PKP2: variants seen among roughly 807,000 people sequenced by gnomAD.
PKP2 encodes plakophilin 2.
PKP2 carries 73 observed loss-of-function variants against 83.4 expected under a neutral mutation model. That is an observed-to-expected ratio of 0.88 (90% CI 0.72 to 1.06). PKP2 has a LOEUF of 1.06. Ranked by LOEUF, PKP2 falls within the 50% of genes least tolerant of loss-of-function variation. PKP2 has a pLI of 0.00. For synonymous variants in PKP2, 409 were observed against 430.4 expected, an observed-to-expected ratio of 0.95 and a Z score of 0.62; for missense variants, 966 against 1,065.4, an observed-to-expected ratio of 0.91 and a Z score of 1.30.
intron 4 of PKP2, among the ~76,000 whole-genome samples, chr12:32,864,043 C>T (rs534178460): frequency 6.6e-6 from 1 of 151,892 alleles, no homozygotes; most frequent in Non-Finnish European, 1.5e-5. Flanking sequence ...AAATTAAAAA[C>T]CATAAAAATA....
At chr12:32,833,076 CT>C (rs930740954) in intron 6 of PKP2, among the ~76,000 whole-genome samples, 1 of 152,092 alleles carries the variant, frequency 6.6e-6, no homozygotes, top group Non-Finnish European at 1.5e-5. Context: ...AACCCCGTCT[CT>C]ACTAAAAATA....
chr12:32,886,964 A>T (rs1957035924), intron 1 of PKP2, among the ~76,000 whole-genome samples: 2 of 151,842 alleles, frequency 1.3e-5, no homozygotes, highest in African/African-American at 4.8e-5. Context: ...GGGCCACTGC[A>T]CTCCAGGCTG....
chr12:32,800,900 G>T (rs1956172503), intron 10 of PKP2, among the ~76,000 whole-genome samples: 3 of 152,172 alleles, frequency 2.0e-5, no homozygotes, highest in Admixed American at 6.5e-5. Context: ...TTCTCTAGAT[G>T]TAAGTAAAAC....
chr12:32,795,585 C>T (rs763150518), intron 11 of PKP2, among the ~76,000 whole-genome samples: 3 of 152,044 alleles, frequency 2.0e-5, no homozygotes, highest in East Asian at 1.9e-4. Context: ...TTTGCCATGT[C>T]GGCCAGGCTG....
chr12:32,859,368 T>C (rs867714645), intron 4 of PKP2, among the ~76,000 whole-genome samples: 2 of 152,236 alleles, frequency 1.3e-5, no homozygotes, highest in African/African-American at 2.4e-5. Context: ...TGATTTATAA[T>C]GGGCATAGTT....
In PKP2 at chr12:32,850,771, ATTTG is replaced by A. The variant is rs397516993; in HGVS notation, c.1369_1372del (p.Gln457Ter). On this transcript the variant is annotated frameshift_variant, in exon 5 of 13. Coordinates refer to ENST00000340811, the MANE Select transcript of PKP2 (RefSeq NM_001005242.3). LOFTEE classifies it high-confidence loss of function. ...CAATGTTCAGTAAGCACTACCTGTT[ATTTG>A]TTTTTTAGTCTCCAAGTCTCTGGTT... 1 of 1,611,560 alleles carries A rather than the reference ATTTG, an allele frequency of 6.2e-7. No individual in the cohort carries two copies. The highest frequency in any genetic ancestry group is 8.5e-7 in the Non-Finnish European group (1 of 1,179,134).
chr12:32,889,710 A>T (rs1273467181), intron 1 of PKP2, among the ~76,000 whole-genome samples: 1 of 152,156 alleles, frequency 6.6e-6, no homozygotes, highest in African/African-American at 2.4e-5. Context: ...AATAGTTTCG[A>T]CTGTTCTCTG....
chr12:32,809,540 A>G (rs972635164), intron 9 of PKP2, among the ~76,000 whole-genome samples: 1 of 152,216 alleles, frequency 6.6e-6, no homozygotes, highest in Non-Finnish European at 1.5e-5. Context: ...GGCCTGCAGA[A>G]CAATGCTGCT....
chr12:32,849,005 T>TA (rs397850139), intron 5 of PKP2, among the ~76,000 whole-genome samples: 22,673 of 122,922 alleles, frequency 0.18, 1,918 homozygotes, highest in South Asian at 0.24. Flanking sequence ...ATTACACAGT[T>TA]AAAAAAAAAA....
Position 32,877,991 on chromosome 12 carries a change from T to A in PKP2, c.889A>T (p.Ser297Cys), listed in dbSNP as rs758962957. The stretch of plus-strand genomic sequence containing the variant: ...CCAGCTTCCCTCAGCGTGCGGGTGC[T>A]GTGGAAGGAGCTCTGATGCCAGGAG... ...RSSWHQSSFH[S>C]TRTLREAGPS... The change falls in exon 3 of 13, where the codon AGC becomes TGC. Residue 297 changes from serine (S) to cysteine (C), a missense_variant. By Grantham distance (112) the Ser-to-Cys change is moderately radical (BLOSUM62 -1). Coordinates refer to ENST00000340811, the MANE Select transcript of PKP2 (RefSeq NM_001005242.3). 4 of 1,613,958 alleles carry A rather than the reference T, an allele frequency of 2.5e-6. No homozygotes were observed. The African/African-American group carries it at 5.3e-5, about 22-fold the overall frequency.
At chr12:32,812,193 C>T (rs2137749942) in intron 9 of PKP2, among the ~76,000 whole-genome samples, 1 of 147,744 alleles carries the variant, frequency 6.8e-6, no homozygotes, top group Admixed American at 6.9e-5. Flanking sequence ...TGACTCGTCA[C>T]ATAAGGTCAA....
chr12:32,804,335 G>A (rs549919382), intron 9 of PKP2, among the ~76,000 whole-genome samples: 1 of 152,132 alleles, frequency 6.6e-6, no homozygotes, highest in Non-Finnish European at 1.5e-5. Context: ...GGGTACATGT[G>A]TAGGATGTGT....
chr12:32,815,445 T>A (rs1956312140), intron 9 of PKP2, among the ~76,000 whole-genome samples: 1 of 152,184 alleles, frequency 6.6e-6, no homozygotes, highest in African/African-American at 2.4e-5. Context: ...ATCCATCTTT[T>A]CTCCACCTCA....
chr12:32,827,867 G>C (rs1956457617), intron 6 of PKP2, among the ~76,000 whole-genome samples: 1 of 152,154 alleles, frequency 6.6e-6, no homozygotes, highest in South Asian at 2.1e-4. Context: ...ATTTCCTCTG[G>C]TATAATCAAG....
At chr12:32,851,050 T>A in intron 4 of PKP2, 77 bp from the exon 5 acceptor site, 3 of 1,135,694 alleles carry the variant, frequency 2.6e-6, no homozygotes, top group South Asian at 2.5e-5. Flanking sequence ...TACAAACAGA[T>A]GAAGTTTACT....
intron 1 of PKP2, among the ~76,000 whole-genome samples, chr12:32,888,106 C>CG (rs1380619263): frequency 4.6e-5 from 7 of 152,024 alleles, no homozygotes; most frequent in East Asian, 3.9e-4. Flanking sequence ...GGCTTGAGCC[C>CG]GGGGGGCAGA....
intron 4 of PKP2, among the ~76,000 whole-genome samples, chr12:32,868,725 T>C (rs1956870733): frequency 1.3e-5 from 2 of 152,190 alleles, no homozygotes. Flanking sequence ...GGTTCCACCA[T>C]GTTGGCCAGG....
At chr12:32,874,002 G>A (rs944668415) in intron 3 of PKP2, among the ~76,000 whole-genome samples, 1 of 151,926 alleles carries the variant, frequency 6.6e-6, no homozygotes, top group African/African-American at 2.4e-5. Flanking sequence ...TTAGAACATC[G>A]GTTTCATCAG....
intron 11 of PKP2, 96 bp from the exon 12 acceptor site, chr12:32,792,827 G>A (rs1300974276): frequency 1.1e-6 from 1 of 943,180 alleles, no homozygotes; most frequent in Non-Finnish European, 1.7e-6. Context: ...CTCCTCAACT[G>A]CTACTCCGCA....
Sources: gnomAD v4.1 joint callset for allele counts (sites outside exome capture counted in the v4.1 genomes callset) on GRCh38, gnomAD v4.1.1 for gene constraint, MANE v1.5 for transcripts, NCBI Gene and HGNC (gene_info 2026-07-23, HGNC 2026-07-21) for gene names.